SLC6A6: variants seen among roughly 807,000 people sequenced by gnomAD.
The protein encoded by SLC6A6 is sodium- and chloride-dependent taurine transporter.
A neutral mutation model predicts 68.8 loss-of-function variants in SLC6A6; 16 were observed. That is an observed-to-expected ratio of 0.23 (90% CI 0.16 to 0.35). The LOEUF (loss-of-function observed/expected upper bound fraction) is 0.35, where lower values mean the gene tolerates loss of function less well. Ranked by LOEUF, SLC6A6 falls within the 10% of genes least tolerant of loss-of-function variation. The pLI, the probability that SLC6A6 is intolerant of heterozygous loss-of-function variation, is 1.00. For synonymous variants in SLC6A6, 312 were observed against 315.4 expected (o/e 0.99, Z 0.12); for missense variants, 474 against 802.8 (o/e 0.59, Z 4.95).
chr3:14,456,138 G>T (rs1490520619), intron 5 of SLC6A6, among the ~76,000 whole-genome samples: 2 of 152,214 alleles, frequency 1.3e-5, no homozygotes, highest in Non-Finnish European at 2.9e-5. Context: ...GTAAAATGGG[G>T]TGAATGGCCT....
intron 5 of SLC6A6, among the ~76,000 whole-genome samples, chr3:14,453,407 C>T (rs1287467367): frequency 1.3e-5 from 2 of 152,292 alleles, no homozygotes; most frequent in African/African-American, 2.4e-5. Flanking sequence ...GCACCATGCC[C>T]GGCACATGAG....
At chr3:14,430,526 C>T (rs1223005530) in intron 2 of SLC6A6, among the ~76,000 whole-genome samples, 5 of 152,176 alleles carry the variant, frequency 3.3e-5, no homozygotes, top group African/African-American at 9.7e-5. Context: ...AGTTGAGAAG[C>T]GTCGGTCCTC....
rs775008161 is a variant in SLC6A6, at chr3:14,481,679, C to T, written c.1560C>T (p.Phe520=). The T allele has an allele frequency of 1.9e-6, 3 of 1,609,596 alleles. No individual in the cohort carries two copies. The highest frequency in any genetic ancestry group is 2.5e-6 in the Non-Finnish European group (3 of 1,177,116). Residue 520 remains phenylalanine, a synonymous_variant, in exon 14 of 15, where the codon TTC becomes TTT. Coordinates refer to ENST00000622186, the MANE Select transcript of SLC6A6 (RefSeq NM_003043.6). The surrounding 1 kb of genome is among the most constrained non-coding windows in gnomAD (Gnocchi z 4.7). ...VITPVLCVGC[F]IFSLVKYVPL... ...CCCCCATCTCTCCGCAGGGATGTTT[C>T]ATCTTCTCGCTCGTCAAGTACGTAC...
In SLC6A6 at chr3:14,453,365, A is replaced by G. The variant is rs565620415; in HGVS notation, c.600-4585A>G. ...TCCCTCTGTATGAGACAGACGAGGA[A>G]GCTGGGGATGATGGGGCCCTTGCCA... On this transcript the variant is annotated intron_variant, in intron 5 of 14. Transcript: ENST00000622186. Among the ~76,000 whole-genome samples the G allele has an allele frequency of 5.3e-5, 8 of 152,340 alleles. 1 individual carries two copies. The South Asian group carries it at 1.7e-3, about 32-fold the overall frequency.
Position 14,475,517 on chromosome 3 carries a change from C to T in SLC6A6, c.1210-1688C>T, listed in dbSNP as rs141093168. On this transcript the variant is annotated intron_variant, in intron 10 of 14. Transcript: ENST00000622186. ...AAGTGGACAAGATCCTCCCATTTCA[C>T]GGAGAGGCAAGTGAGGCTCGGAGAA... Among the ~76,000 whole-genome samples the T allele has an allele frequency of 7.9e-5, 12 of 152,306 alleles. No homozygotes were observed. The East Asian group carries it at 9.6e-4, about 12-fold the overall frequency.
At chr3:14,414,977 C>A (rs1051494578) in intron 1 of SLC6A6, among the ~76,000 whole-genome samples, 1 of 152,238 alleles carries the variant, frequency 6.6e-6, no homozygotes, top group Non-Finnish European at 1.5e-5. Flanking sequence ...ATCCCACTTC[C>A]CTGTGTATGG....
chr3:14,453,070 AC>A (rs988153397), intron 5 of SLC6A6, among the ~76,000 whole-genome samples: 1 of 152,252 alleles, frequency 6.6e-6, no homozygotes, highest in Non-Finnish European at 1.5e-5. Flanking sequence ...GAAAGGCTGC[AC>A]GGCCCCGTGC....
intron 6 of SLC6A6, among the ~76,000 whole-genome samples, chr3:14,460,657 G>A (rs1282469121): frequency 6.6e-6 from 1 of 152,252 alleles, no homozygotes; most frequent in Non-Finnish European, 1.5e-5. Flanking sequence ...CAGAGAGAGG[G>A]TGCCAGGCTG....
chr3:14,454,231 A>T (rs1700317644), intron 5 of SLC6A6, among the ~76,000 whole-genome samples: 1 of 152,104 alleles, frequency 6.6e-6, no homozygotes, highest in African/African-American at 2.4e-5. Context: ...ACCAACGAAG[A>T]GGCTGCTGGA....
chr3:14,424,520 G>T (rs546401917), intron 2 of SLC6A6, among the ~76,000 whole-genome samples: 2 of 151,962 alleles, frequency 1.3e-5, no homozygotes, highest in East Asian at 3.9e-4. Context: ...GGGGTGTCCT[G>T]CTCTGGGCAA....
chr3:14,419,464 C>A (rs1699439254), intron 2 of SLC6A6, among the ~76,000 whole-genome samples: 1 of 152,142 alleles, frequency 6.6e-6, no homozygotes, highest in African/African-American at 2.4e-5. Context: ...ATGGACCAGC[C>A]CAAAAAAGTA....
chr3:14,445,612 C>A, intron 3 of SLC6A6, 105 bp from the exon 4 acceptor site: 2 of 1,290,602 alleles, frequency 1.5e-6, no homozygotes, highest in East Asian at 2.3e-5. Context: ...GCCTCATGCC[C>A]CTCATGCATT....
chr3:14,451,097 T>C (rs1358982971), intron 5 of SLC6A6, among the ~76,000 whole-genome samples: 1 of 152,230 alleles, frequency 6.6e-6, no homozygotes, highest in African/African-American at 2.4e-5. Context: ...CCGTGCCTTA[T>C]CCTTGCACCT....
rs1354202331 is a variant in SLC6A6, at chr3:14,485,558, C to T, written c.*551C>T. On this transcript the variant is annotated 3_prime_UTR_variant, in exon 15 of 15. Transcript: ENST00000622186. ...ATGGAAGAAATAGCAGGAGAGAGGACCCATTAGCTGGCAGACCCAGGGGGA... is the reference window on the plus strand; with the variant it reads ...ATGGAAGAAATAGCAGGAGAGAGGATCCATTAGCTGGCAGACCCAGGGGGA... The T allele has an allele frequency of 1.3e-5, 2 of 152,558 alleles. No individual in the cohort carries two copies. The highest frequency in any genetic ancestry group is 1.9e-4 in the East Asian group (1 of 5,184). The allele number at this position is 152,558 out of a possible 1,614,324, so 9.5% of individuals were successfully genotyped here. A position where few individuals can be genotyped will look rare whatever the true frequency, so the allele number is the denominator to read the frequency against.
Position 14,450,207 on chromosome 3 carries a change from G to C in SLC6A6, c.599+2391G>C, listed in dbSNP as rs542374349. Among the ~76,000 whole-genome samples, 45 of 152,138 alleles carry C rather than the reference G, an allele frequency of 3.0e-4. 1 individual carries two copies. In the South Asian group the frequency reaches 8.7e-3, roughly 29 times the overall value. Reference sequence around the variant, plus strand: ...TCTCGCTGTTGTCTAGGACCCAGGGGTCTTAGAGAGGGAACACTTGGGAGC... The same window carrying C: ...TCTCGCTGTTGTCTAGGACCCAGGGCTCTTAGAGAGGGAACACTTGGGAGC... On this transcript the variant is annotated intron_variant, in intron 5 of 14. Transcript: ENST00000622186. The surrounding 1 kb of genome is among the most constrained non-coding windows in gnomAD (Gnocchi z 4.1).
intron 5 of SLC6A6, among the ~76,000 whole-genome samples, chr3:14,453,094 G>A (rs1214161531): frequency 6.6e-6 from 1 of 152,242 alleles, no homozygotes; most frequent in African/African-American, 2.4e-5. Context: ...TGGGCGGACG[G>A]GCCCTTTTAT....
At chr3:14,459,883 C>CTTTTTTTTTTTT (rs869191764) in intron 6 of SLC6A6, among the ~76,000 whole-genome samples, 6 of 40,168 alleles carry the variant, frequency 1.5e-4, no homozygotes, top group Admixed American at 4.5e-4. Flanking sequence ...TAATTCTCTT[C>CTTTTTTTTTTTT]TTTTTTTTTT....
At chr3:14,425,451 A>G (rs1341032411) in intron 2 of SLC6A6, among the ~76,000 whole-genome samples, 1 of 152,058 alleles carries the variant, frequency 6.6e-6, no homozygotes, top group South Asian at 2.1e-4. Context: ...AATTATGTAG[A>G]ACTCGGCCAT....
chr3:14,427,208 C>T (rs2124919252), intron 2 of SLC6A6, among the ~76,000 whole-genome samples: 1 of 147,046 alleles, frequency 6.8e-6, no homozygotes. Context: ...CTGCTACAGG[C>T]AGGCAGCTCT....
Sources: gnomAD v4.1 joint callset for allele counts (sites outside exome capture counted in the v4.1 genomes callset) on GRCh38, gnomAD v4.1.1 for gene constraint, Gnocchi (gnomAD v3.1) non-coding constraint, MANE v1.5 for transcripts, NCBI Gene and HGNC (gene_info 2026-07-23, HGNC 2026-07-21) for gene names.